PDZD2: variants seen among roughly 807,000 people sequenced by gnomAD.
PDZD2 encodes the protein PDZ domain-containing protein 2.
In PDZD2, 90 loss-of-function variants were observed where a neutral mutation model predicts 220.7. The ratio of observed to expected loss-of-function variants is 0.41; its 90% confidence interval spans 0.34 to 0.49. The LOEUF (loss-of-function observed/expected upper bound fraction) is 0.49. Ranked by LOEUF, PDZD2 falls within the 20% of genes least tolerant of loss-of-function variation. PDZD2 has a pLI of 0.28. For synonymous variants in PDZD2, 1,375 were observed against 1,450.5 expected (o/e 0.95, Z 1.18); for missense variants, 3,174 against 3,608.5 (o/e 0.88, Z 3.08).
chr5:31,908,352 G>A, intron 2 of PDZD2: 1 of 287,154 alleles, frequency 3.5e-6, no homozygotes, highest in African/African-American at 2.2e-5. Flanking sequence ...GCTGCCATCG[G>A]CCGCCATCAT....
intron 2 of PDZD2, among the ~76,000 whole-genome samples, chr5:31,901,771 C>T (rs1451172524): frequency 6.6e-6 from 1 of 152,194 alleles, no homozygotes; most frequent in East Asian, 1.9e-4. Flanking sequence ...CTCCTCACTT[C>T]CCCTACAAAC....
intron 2 of PDZD2, among the ~76,000 whole-genome samples, chr5:31,947,966 T>G (rs1403098037): frequency 6.6e-6 from 1 of 152,154 alleles, no homozygotes; most frequent in African/African-American, 2.4e-5. Flanking sequence ...ATATAAACTT[T>G]AAGGGTGGTC....
At position 31,786,253 on chromosome 5, in the gene PDZD2, G is replaced by A. The variant is rs151286415; in HGVS notation, c.-360-12636G>A. ...CCCTAGCTCCTGCAAGCAAGCAGGC[G>A]AGCAGTCCAGGGAAGGGAGAGGGTG... On this transcript the variant is annotated intron_variant, in intron 1 of 24. Transcript: ENST00000438447. Among the ~76,000 whole-genome samples, 867 of 152,250 alleles carry A rather than the reference G, an allele frequency of 5.7e-3. 12 individuals are homozygous for A. The highest frequency in any genetic ancestry group is 0.02 in the African/African-American group (825 of 41,554).
intron 5 of PDZD2, among the ~76,000 whole-genome samples, chr5:32,002,682 AAC>A (rs1187547256): frequency 1.0e-5 from 1 of 97,286 alleles, no homozygotes; most frequent in Non-Finnish European, 2.1e-5. Flanking sequence ...CACACACACC[AAC>A]ACACACCACA....
chr5:31,674,007 C>T (rs923281968), intron 1 of PDZD2, among the ~76,000 whole-genome samples: 1 of 152,158 alleles, frequency 6.6e-6, no homozygotes, highest in African/African-American at 2.4e-5. Flanking sequence ...GAGCTTGGTT[C>T]CTCTCTCTCT....
At chr5:32,013,642 A>G (rs1426508126) in intron 6 of PDZD2, among the ~76,000 whole-genome samples, 1 of 152,012 alleles carries the variant, frequency 6.6e-6, no homozygotes, top group Admixed American at 6.6e-5. Context: ...TCCTGGCTCT[A>G]TTTCTGGGTT....
chr5:31,890,135 A>ATTTTTTT (rs59916833), intron 2 of PDZD2, among the ~76,000 whole-genome samples: 1,388 of 98,130 alleles, frequency 0.014, 49 homozygotes, highest in Non-Finnish European at 0.019. Flanking sequence ...CTTTTTTGTG[A>ATTTTTTT]TTTTTTTTTT....
At chr5:31,963,392 G>A (rs1478397740) in intron 2 of PDZD2, among the ~76,000 whole-genome samples, 2 of 152,342 alleles carry the variant, frequency 1.3e-5, no homozygotes, top group South Asian at 2.1e-4. Flanking sequence ...GACAAATGGA[G>A]GGAAGATAAG....
rs1742678647 is a variant in PDZD2 at position 32,087,991 on chromosome 5, G to A, written c.4543G>A (p.Val1515Met). The change falls in exon 20 of 25, where the codon GTG becomes ATG. Residue 1515 changes from valine to methionine, a missense_variant. This residue lies in a region of PDZD2 where 1,861 missense variants were observed against 2,001.0 expected (regional missense o/e 0.93). Coordinates refer to ENST00000438447, the MANE Select transcript of PDZD2 (RefSeq NM_178140.4). The surrounding 1 kb of genome is among the most constrained non-coding windows in gnomAD (Gnocchi z 4.0). ...DSINPDKHFT[V>M]NKNFLSNYSR... Reference sequence around the variant, plus strand: ...AATTAATCCCGACAAACATTTTACTGTGAACAAAAACTTTCTGAGCAACTA... The same window carrying A: ...AATTAATCCCGACAAACATTTTACTATGAACAAAAACTTTCTGAGCAACTA... 1 of 1,614,240 alleles carries A rather than the reference G, an allele frequency of 6.2e-7. No homozygotes were observed. The highest frequency in any genetic ancestry group is 8.5e-7 in the Non-Finnish European group (1 of 1,180,038).
intron 2 of PDZD2, among the ~76,000 whole-genome samples, chr5:31,859,454 T>C (rs780739282): frequency 1.3e-5 from 2 of 152,250 alleles, no homozygotes; most frequent in Non-Finnish European, 2.9e-5. Flanking sequence ...TGTTCAGTTT[T>C]TATGTCTGTC....
chr5:31,919,862 T>TTG (rs1744051723), intron 2 of PDZD2, among the ~76,000 whole-genome samples: 1 of 150,916 alleles, frequency 6.6e-6, no homozygotes, highest in Non-Finnish European at 1.5e-5. Context: ...AAAACAATTT[T>TTG]TTTTTTTATG....
At position 31,776,914 on chromosome 5, in the gene PDZD2, C is replaced by T. The variant is rs575776697; in HGVS notation, c.-360-21975C>T. Among the ~76,000 whole-genome samples the T allele has an allele frequency of 2.0e-5, 3 of 152,202 alleles. No homozygotes were observed. In the South Asian group the frequency reaches 6.2e-4, roughly 32 times the overall value. The stretch of plus-strand genomic sequence containing the variant: ...TCTCAGGTGATCTGCCTGCCTTGGC[C>T]TCCCAAAATGCTAGTGAGGGGTGAC... On this transcript the variant is annotated intron_variant, in intron 1 of 24. Coordinates refer to ENST00000438447, the MANE Select transcript of PDZD2 (RefSeq NM_178140.4).
At chr5:31,760,377 A>C (rs1367698970) in intron 1 of PDZD2, among the ~76,000 whole-genome samples, 1 of 152,222 alleles carries the variant, frequency 6.6e-6, no homozygotes, top group African/African-American at 2.4e-5. Context: ...GCAGTATAAA[A>C]TTGTGAGCAT....
intron 2 of PDZD2, among the ~76,000 whole-genome samples, chr5:31,806,939 T>TG (rs1163647716): frequency 1.3e-5 from 2 of 151,124 alleles, no homozygotes; most frequent in Admixed American, 6.6e-5. Flanking sequence ...TTGTTTTTTT[T>TG]TTTTTTTTTT....
intron 2 of PDZD2, chr5:31,936,123 G>A (rs913395581): frequency 1.0e-6 from 1 of 984,298 alleles, no homozygotes; most frequent in African/African-American, 1.7e-5. Context: ...AAGCCGGGAG[G>A]AGAGAGAGAG....
chr5:31,699,092 C>A (rs1747502416), intron 1 of PDZD2, among the ~76,000 whole-genome samples: 2 of 152,062 alleles, frequency 1.3e-5, no homozygotes, highest in African/African-American at 4.8e-5. Flanking sequence ...CCCTGAGCTG[C>A]CATTAGGGAT....
At chr5:31,874,355 G>A (rs1272274132) in intron 2 of PDZD2, among the ~76,000 whole-genome samples, 1 of 152,138 alleles carries the variant, frequency 6.6e-6, no homozygotes, top group East Asian at 1.9e-4. Context: ...TGTCTGCCCT[G>A]TTTATGTTAC....
chr5:31,745,150 TG>T (rs1201286795), intron 1 of PDZD2, among the ~76,000 whole-genome samples: 1 of 152,288 alleles, frequency 6.6e-6, no homozygotes, highest in East Asian at 1.9e-4. Context: ...CCTTCTCTCT[TG>T]TGTCTCAGTG....
At chr5:31,780,217 G>T (rs530331022) in intron 1 of PDZD2, among the ~76,000 whole-genome samples, 1 of 152,068 alleles carries the variant, frequency 6.6e-6, no homozygotes. Flanking sequence ...AGGGGAAGGC[G>T]GCAGGAAAAG....
Sources: allele counts gnomAD v4.1 joint callset (sites outside exome capture counted in the v4.1 genomes callset), GRCh38; gene constraint gnomAD v4.1.1; regional missense constraint gnomAD v4.1.1; non-coding constraint Gnocchi (gnomAD v3.1); transcripts MANE v1.5; gene names NCBI Gene and HGNC (gene_info 2026-07-23, HGNC 2026-07-21).